F11R: variants seen among roughly 807,000 people sequenced by gnomAD.
F11R encodes junctional adhesion molecule A.
A neutral mutation model predicts 39.3 loss-of-function variants in F11R; 27 were observed. The ratio of observed to expected loss-of-function variants is 0.69; its 90% confidence interval spans 0.51 to 0.95. F11R has a LOEUF of 0.95. Among genes scored for constraint, F11R ranks in the 40% least tolerant of loss-of-function variants. The pLI, the probability that F11R is intolerant of heterozygous loss-of-function variation, is 0.00. For synonymous variants in F11R, 131 were observed against 144.9 expected (o/e 0.90, Z 0.69); for missense variants, 335 against 372.7 (o/e 0.90, Z 0.83).
chr1:161,013,467 C>T (rs1649281879), intron 1 of F11R, among the ~76,000 whole-genome samples: 1 of 152,230 alleles, frequency 6.6e-6, no homozygotes, highest in Non-Finnish European at 1.5e-5. Flanking sequence ...AGAGCTTCCA[C>T]TCTGGTTTTC....
intron 1 of F11R, among the ~76,000 whole-genome samples, chr1:161,019,573 CAACAAGCGA>C (rs1170327531): frequency 7.9e-6 from 1 of 126,414 alleles, no homozygotes; most frequent in African/African-American, 3.0e-5. Flanking sequence ...CGAGCCTGGG[CAACAAGCGA>C]AACTCTAACT....
In F11R at chr1:161,021,032, G is replaced by C. The variant is rs369249236; in HGVS notation, c.42C>G (p.Leu14=). Residue 14 remains leucine, a synonymous_variant, in exon 1 of 10, where the codon CTC becomes CTG. Transcript: ENST00000368026. ...TACACAACAGGATCGCCAATATGAAGAGGCACAACAGTTTCCTCTCGACTT... is the reference window on the plus strand; with the variant it reads ...TACACAACAGGATCGCCAATATGAACAGGCACAACAGTTTCCTCTCGACTT... ...KAQVERKLLC[L]FILAILLCSL... The C allele has an allele frequency of 1.9e-5, 31 of 1,614,000 alleles. No homozygotes were observed. Among genetic ancestry groups the C allele is most frequent in the Non-Finnish European group, 2.5e-5 (30 of 1,180,036 alleles).
At chr1:161,004,807 T>C (rs896690397) in intron 1 of F11R, among the ~76,000 whole-genome samples, 2 of 152,134 alleles carry the variant, frequency 1.3e-5, no homozygotes, top group East Asian at 3.8e-4. Context: ...TCTAATGATA[T>C]TATTTTATTT....
At chr1:161,004,310 A>G (rs2101973710) in intron 1 of F11R, among the ~76,000 whole-genome samples, 1 of 152,264 alleles carries the variant, frequency 6.6e-6, no homozygotes, top group East Asian at 1.9e-4. Flanking sequence ...CTATAACCCC[A>G]GCACTTTGGG....
At chr1:161,011,041 GT>G (rs139193211) in intron 1 of F11R, among the ~76,000 whole-genome samples, 38 of 143,276 alleles carry the variant, frequency 2.7e-4, no homozygotes, top group African/African-American at 9.4e-4. Context: ...TTCATTGTTC[GT>G]TTTTTTTGGA....
chr1:161,000,406 G>A (rs1648412456), intron 4 of F11R, 58 bp from the exon 5 acceptor site: 3 of 1,554,642 alleles, frequency 1.9e-6, no homozygotes, highest in Non-Finnish European at 1.8e-6. Flanking sequence ...TTGAGTCTAA[G>A]TAACCAACTA....
At position 160,999,724 on chromosome 1, in the gene F11R, C is replaced by G; in HGVS notation, c.718G>C (p.Val240Leu). The G allele has an allele frequency of 1.2e-6, 2 of 1,614,180 alleles. No homozygotes were observed. Among genetic ancestry groups the G allele is most frequent in the South Asian group, 2.2e-5 (2 of 91,072 alleles). Residue 240 changes from valine (V) to leucine (L), a missense_variant, in exon 7 of 10, where the codon GTG becomes CTG. By Grantham distance (32) the Val-to-Leu change is conservative (BLOSUM62 1). Transcript: ENST00000368026. ...EAVERNVGVI[V>L]AAVLVTLILL... ...ATCAGGGTTACAAGGACGGCTGCCA[C>G]GATGACCCCCACATTCCGCTCCACT...
intron 1 of F11R, among the ~76,000 whole-genome samples, chr1:161,002,975 C>T (rs4656974): frequency 0.23 from 33,239 of 142,076 alleles, 4,606 homozygotes; most frequent in Non-Finnish European, 0.32. Context: ...TTTTTTGAGA[C>T]GGAGTTTCAC....
intron 6 of F11R, 52 bp from the exon 7 acceptor site, chr1:160,999,799 T>C: frequency 1.2e-6 from 2 of 1,603,128 alleles, no homozygotes; most frequent in Non-Finnish European, 1.7e-6. Context: ...TCACGGCACC[T>C]ACAGTATCAC....
intron 1 of F11R, among the ~76,000 whole-genome samples, chr1:161,020,382 C>A (rs1649692886): frequency 6.6e-6 from 1 of 152,186 alleles, no homozygotes; most frequent in South Asian, 2.1e-4. Context: ...AAAGGAACTT[C>A]GCTGGAACCT....
rs41269995 is a variant in F11R, at chr1:161,020,925, C to G, written c.64+85G>C. The G allele has an allele frequency of 4.3e-3, 5,359 of 1,231,972 alleles. 21 individuals are homozygous for G. The highest frequency in any genetic ancestry group is 5.9e-3 in the Non-Finnish European group (4,884 of 833,292). The allele number at this position is 1,231,972 out of a possible 1,614,324, so 76.3% of individuals were successfully genotyped here. ...ATAGGAAGGTTTCTGAGCTCCTCCC[C>G]TCCCGCGGGCTAGGGGCGTGGGGAG... is the stretch of plus-strand genomic sequence containing the variant. On this transcript the variant is annotated intron_variant, in intron 1 of 9. Coordinates refer to ENST00000368026, the MANE Select transcript of F11R (RefSeq NM_016946.6).
At chr1:161,009,511 T>TA (rs1310479719) in intron 1 of F11R, among the ~76,000 whole-genome samples, 2 of 151,634 alleles carry the variant, frequency 1.3e-5, no homozygotes, top group Non-Finnish European at 1.5e-5. Context: ...TGAACGCCTA[T>TA]AACACTGAGG....
At position 160,995,867 on chromosome 1, in the gene F11R, G is replaced by A. The variant is rs139474503; in HGVS notation, c.*3004C>T. On this transcript the variant is annotated 3_prime_UTR_variant, in exon 10 of 10. Coordinates refer to ENST00000368026, the MANE Select transcript of F11R (RefSeq NM_016946.6). ...TATACTTTGAAGAAAATAAAAAAACGACAGGAACAACAAACACATCCTTAA... is the reference window on the plus strand; with the variant it reads ...TATACTTTGAAGAAAATAAAAAAACAACAGGAACAACAAACACATCCTTAA... 42 of 152,178 alleles carry A rather than the reference G, an allele frequency of 2.8e-4. No homozygotes were observed. Among genetic ancestry groups the A allele is most frequent in the African/African-American group, 9.7e-4 (40 of 41,440 alleles). The allele number at this position is 152,178 out of a possible 1,614,324, so 9.4% of individuals were successfully genotyped here.
rs1476227606 is a variant in F11R at position 160,999,950 on chromosome 1, G to A, written c.620C>T (p.Thr207Ile). Residue 207 changes from threonine (T) to isoleucine (I), a missense_variant, in exon 6 of 10, where the codon ACT (threonine) becomes ATT (isoleucine). Physicochemically the swap from Thr to Ile is moderately conservative, Grantham distance 89. Coordinates refer to ENST00000368026, the MANE Select transcript of F11R (RefSeq NM_016946.6). ...CCGTGCCTCACAGCTGTATTCTCCA[G>A]TATCAGAGGCTGACAGGGGATCAAA... ...LVFDPLSASD[T>I]GEYSCEARNG... 1 of 1,614,168 alleles carries A rather than the reference G, an allele frequency of 6.2e-7. No individual in the cohort carries two copies.
chr1:161,001,188 A>G (rs1571007931), intron 2 of F11R, 61 bp from the exon 3 acceptor site: 1 of 1,592,880 alleles, frequency 6.3e-7, no homozygotes, highest in East Asian at 2.2e-5. Flanking sequence ...GAGATGGGGA[A>G]CAGCCCCAAA....
intron 1 of F11R, among the ~76,000 whole-genome samples, chr1:161,020,009 G>C (rs1193257237): frequency 6.6e-6 from 1 of 152,044 alleles, no homozygotes; most frequent in Non-Finnish European, 1.5e-5. Context: ...AAGAACCTTG[G>C]GGGTGGGGGG....
chr1:161,008,540 G>A (rs143217366), intron 1 of F11R, among the ~76,000 whole-genome samples: 42 of 152,086 alleles, frequency 2.8e-4, no homozygotes, highest in African/African-American at 9.6e-4. Context: ...TTCCACTACT[G>A]GATGAAGTGC....
At chr1:161,002,191 G>A (rs1648529517) in intron 1 of F11R, among the ~76,000 whole-genome samples, 1 of 151,150 alleles carries the variant, frequency 6.6e-6, no homozygotes, top group African/African-American at 2.4e-5. Context: ...GAACCCGGGA[G>A]GCGGAGATTG....
intron 1 of F11R, among the ~76,000 whole-genome samples, chr1:161,015,673 AAACAAC>A (rs1004320593): frequency 3.3e-5 from 5 of 151,142 alleles, no homozygotes; most frequent in East Asian, 1.9e-4. Context: ...CCTGTTTCAA[AAACAAC>A]AACAACAACA....
Sources: gnomAD v4.1 joint callset for allele counts (sites outside exome capture counted in the v4.1 genomes callset) on GRCh38, gnomAD v4.1.1 for gene constraint, MANE v1.5 for transcripts, NCBI Gene and HGNC (gene_info 2026-07-23, HGNC 2026-07-21) for gene names.